The following EYS variants were observed in gnomAD, a reference collection of about 807,000 sequenced individuals.
EYS encodes the protein EGF-like photoreceptor maintenance factor.
EYS carries 250 observed loss-of-function variants against 282.1 expected under a neutral mutation model. The ratio of observed to expected loss-of-function variants is 0.89; its 90% confidence interval spans 0.80 to 0.98. The LOEUF (loss-of-function observed/expected upper bound fraction) is 0.98, where lower values mean the gene tolerates loss of function less well. Ranked by LOEUF, EYS falls within the 50% of genes least tolerant of loss-of-function variation. EYS has a pLI of 0.00. For synonymous variants in EYS, 1,355 were observed against 1,282.9 expected (o/e 1.06, Z -1.20); for missense variants, 4,016 against 3,709.0 (o/e 1.08, Z -2.15).
intron 12 of EYS, among the ~76,000 whole-genome samples, chr6:65,219,025 T>G (rs1766390562): frequency 6.6e-6 from 1 of 152,044 alleles, no homozygotes; most frequent in Admixed American, 6.6e-5. Flanking sequence ...ACAGAGAAGT[T>G]ATTTCTTTAT....
At chr6:64,126,867 A>C (rs1379736258) in intron 31 of EYS, among the ~76,000 whole-genome samples, 1 of 152,020 alleles carries the variant, frequency 6.6e-6, no homozygotes, top group East Asian at 1.9e-4. Flanking sequence ...ATATACATAC[A>C]TATATGTATG....
intron 41 of EYS, among the ~76,000 whole-genome samples, chr6:63,727,483 T>C (rs1020560242): frequency 6.6e-6 from 1 of 151,104 alleles, no homozygotes; most frequent in Non-Finnish European, 1.5e-5. Context: ...TTTCGACTTA[T>C]TGCTATTCAG....
At chr6:63,944,119 C>T (rs1312364695) in intron 35 of EYS, among the ~76,000 whole-genome samples, 2 of 152,126 alleles carry the variant, frequency 1.3e-5, no homozygotes, top group Admixed American at 1.3e-4. Flanking sequence ...GACAATGACT[C>T]TTTTTTCTGT....
intron 12 of EYS, among the ~76,000 whole-genome samples, chr6:65,125,341 C>A (rs1386798444): frequency 3.9e-5 from 6 of 152,092 alleles, no homozygotes; most frequent in Non-Finnish European, 7.4e-5. Flanking sequence ...AGTTGCTAAG[C>A]CCCCATCTCA....
intron 10 of EYS, among the ~76,000 whole-genome samples, chr6:65,343,750 T>C (rs1770286162): frequency 6.6e-6 from 1 of 151,368 alleles, no homozygotes; most frequent in South Asian, 2.1e-4. Flanking sequence ...CAACTGTATC[T>C]GAGAGGCTTT....
intron 12 of EYS, among the ~76,000 whole-genome samples, chr6:65,133,456 C>T (rs1441839669): frequency 6.6e-6 from 1 of 151,868 alleles, no homozygotes; most frequent in Non-Finnish European, 1.5e-5. Context: ...GACTAGGGAG[C>T]TCATCAGAAA....
intron 18 of EYS, among the ~76,000 whole-genome samples, chr6:64,887,473 A>G (rs13215114): frequency 0.027 from 4,116 of 152,172 alleles, 76 homozygotes; most frequent in Middle Eastern, 0.054. Flanking sequence ...TCCAAAGGAG[A>G]TATTAAACTG....
At chr6:64,335,395 G>C (rs1384979688) in intron 29 of EYS, among the ~76,000 whole-genome samples, 1 of 151,952 alleles carries the variant, frequency 6.6e-6, no homozygotes, top group South Asian at 2.1e-4. Flanking sequence ...TACCTCCCTA[G>C]CGTGCCTGCA....
chr6:65,009,193 C>T (rs7454195), intron 13 of EYS, among the ~76,000 whole-genome samples: 2 of 151,964 alleles, frequency 1.3e-5, no homozygotes, highest in East Asian at 1.9e-4. Flanking sequence ...TAAGGGATCC[C>T]ACCTCCTTTC....
intron 35 of EYS, among the ~76,000 whole-genome samples, chr6:63,878,885 C>T (rs1255945710): frequency 6.6e-6 from 1 of 152,134 alleles, no homozygotes; most frequent in Non-Finnish European, 1.5e-5. Context: ...CATGGCCTCC[C>T]TTGGCTAGGA....
Position 64,448,485 on chromosome 6 carries a change from G to A in EYS, c.5645-9133C>T, listed in dbSNP as rs142258748. Among the ~76,000 whole-genome samples the A allele has an allele frequency of 2.2e-4, 33 of 152,324 alleles. No individual in the cohort carries two copies. In the East Asian group the frequency reaches 6.2e-3, roughly 29 times the overall value. The stretch of plus-strand genomic sequence containing the variant: ...AACCTCTGCAGACTTAAATGTCCCT[G>A]TCCGATAGCTTTGAAGAGAGTAGTG... On this transcript the variant is annotated intron_variant, in intron 26 of 42. Coordinates refer to ENST00000503581, the MANE Select transcript of EYS (RefSeq NM_001142800.2).
At chr6:63,758,361 A>G (rs1325869017) in intron 41 of EYS, among the ~76,000 whole-genome samples, 3 of 152,170 alleles carry the variant, frequency 2.0e-5, no homozygotes, top group East Asian at 3.8e-4. Context: ...TTAAGAATAT[A>G]TTAAAGCTAA....
At chr6:63,757,878 C>T (rs937598676) in intron 41 of EYS, among the ~76,000 whole-genome samples, 1 of 152,062 alleles carries the variant, frequency 6.6e-6, no homozygotes, top group African/African-American at 2.4e-5. Context: ...TGCTATTACT[C>T]TATTGAGAAT....
intron 19 of EYS, among the ~76,000 whole-genome samples, chr6:64,862,918 G>A (rs1014415812): frequency 2.0e-5 from 3 of 152,046 alleles, no homozygotes; most frequent in African/African-American, 4.8e-5. Flanking sequence ...ATGAGACTTC[G>A]TGATACGTTC....
chr6:64,337,407 A>G (rs1216316261), intron 29 of EYS, among the ~76,000 whole-genome samples: 1 of 152,082 alleles, frequency 6.6e-6, no homozygotes, highest in Non-Finnish European at 1.5e-5. Context: ...CTGGAAAAAT[A>G]CAATGCTCCT....
chr6:64,006,723 C>T (rs961376197), intron 33 of EYS, among the ~76,000 whole-genome samples: 10 of 152,040 alleles, frequency 6.6e-5, no homozygotes, highest in African/African-American at 1.9e-4. Context: ...TGAATTTTAT[C>T]GAAAGCCTTT....
At position 65,396,602 on chromosome 6, in the gene EYS, C is replaced by T. The variant is rs150664261; in HGVS notation, c.1184+5876G>A. ...AATTCAACACCCTAGCTATTTCTGA[C>T]GGGTATATGAGTAAATTACACTTGG... is the stretch of plus-strand genomic sequence containing the variant. On this transcript the variant is annotated intron_variant, in intron 7 of 42. Transcript: ENST00000503581. Among the ~76,000 whole-genome samples, 502 of 152,172 alleles carry T rather than the reference C, an allele frequency of 3.3e-3. 3 individuals carry two copies. Among genetic ancestry groups the T allele is most frequent in the African/African-American group, 0.011 (445 of 41,544 alleles).
intron 12 of EYS, among the ~76,000 whole-genome samples, chr6:65,059,370 T>C (rs777922428): frequency 6.6e-6 from 1 of 152,120 alleles, no homozygotes; most frequent in Non-Finnish European, 1.5e-5. Flanking sequence ...TCATAGGTCA[T>C]ATGCATTTGC....
chr6:64,674,425 CTATT>C (rs1311665047), intron 22 of EYS, among the ~76,000 whole-genome samples: 1 of 151,860 alleles, frequency 6.6e-6, no homozygotes, highest in Non-Finnish European at 1.5e-5. Flanking sequence ...GTCAGGATCT[CTATT>C]TATACAGGAA....
Sources: allele counts gnomAD v4.1 joint callset (sites outside exome capture counted in the v4.1 genomes callset), GRCh38; gene constraint gnomAD v4.1.1; transcripts MANE v1.5; gene names NCBI Gene and HGNC (gene_info 2026-07-23, HGNC 2026-07-21).